Variants in OAS3 observed in about 807,000 individuals in gnomAD.
OAS3 encodes the protein 2'-5'-oligoadenylate synthase 3.
A neutral mutation model predicts 113.0 loss-of-function variants in OAS3; 107 were observed. That is an observed-to-expected ratio of 0.95 (90% confidence interval 0.81 to 1.11). The LOEUF is 1.11. OAS3 is among the 50% of genes most tolerant of loss of function. OAS3 has a pLI of 0.00. For missense variants in OAS3, 1,258 were observed against 1,389.1 expected, an observed-to-expected ratio of 0.91 and a Z score of 1.50; for synonymous variants, 552 against 573.6, an observed-to-expected ratio of 0.96 and a Z score of 0.54.
chr12:112,950,771 G>C lies in OAS3; in HGVS notation c.1453G>C (p.Asp485His), dbSNP rs1565977177. Residue 485 changes from aspartate (D) to histidine (H), a missense_variant, in exon 7 of 16, where the codon GAC becomes CAC. Coordinates refer to ENST00000228928, the MANE Select transcript of OAS3 (RefSeq NM_006187.4). The stretch of plus-strand genomic sequence containing the variant: ...CATCATCTTCCTCAACTGCTTCACG[G>C]ACTACAAGGACCAGGGGCCCCGCCG... The part of the protein sequence containing the change: ...ELIIFLNCFT[D>H]YKDQGPRRAE... 1 of 1,614,022 alleles carries C rather than the reference G, an allele frequency of 6.2e-7. No homozygotes were observed. The highest frequency in any genetic ancestry group is 8.5e-7 in the Non-Finnish European group (1 of 1,179,894).
chr12:112,949,229 A>AT, intron 6 of OAS3, 24 bp downstream of exon 6: 1 of 1,573,624 alleles, frequency 6.4e-7, no homozygotes, highest in East Asian at 2.2e-5. Flanking sequence ...GTGGAGACAC[A>AT]GGGGGGACCC....
chr12:112,944,530 A>G lies in OAS3; in HGVS notation c.515A>G (p.Asn172Ser). Residue 172 changes from asparagine to serine, a missense_variant, in exon 3 of 16, where the codon AAC becomes AGC. By Grantham distance (46) the Asn-to-Ser change is conservative (BLOSUM62 1). Transcript: ENST00000228928. ...PKPQVYSTLLNSGCQGGEHAA... is the reference protein window; with the variant it reads ...PKPQVYSTLLSSGCQGGEHAA... Reference sequence around the variant, plus strand: ...CCACAAGTCTACTCTACCCTCCTCAACAGTGGCTGCCAAGGGGGCGAGCAT... The same window carrying G: ...CCACAAGTCTACTCTACCCTCCTCAGCAGTGGCTGCCAAGGGGGCGAGCAT... 6.2e-7 allele frequency: 1 copy of G among 1,614,020 alleles called. No homozygotes were observed. Among genetic ancestry groups the G allele is most frequent in the Non-Finnish European group, 8.5e-7 (1 of 1,179,874 alleles).
rs756334772 is a variant in OAS3, at chr12:112,946,726, C to T, written c.637-17C>T. 1.2e-5 allele frequency: 19 copies of T among 1,586,528 alleles called. No homozygotes were observed. The highest frequency in any genetic ancestry group is 1.6e-5 in the Non-Finnish European group (19 of 1,164,104). The stretch of plus-strand genomic sequence containing the variant: ...CCCCTTCTTCCTTCTGAGTCCCCTG[C>T]CGATGCCCTCTCACAGGTGTGCCTA... On this transcript the variant is annotated splice_polypyrimidine_tract_variant and intron_variant, in intron 3 of 15. Coordinates refer to ENST00000228928, the MANE Select transcript of OAS3 (RefSeq NM_006187.4).
chr12:112,968,799 G>A (rs1321875936), intron 14 of OAS3, among the ~76,000 whole-genome samples: 1 of 152,194 alleles, frequency 6.6e-6, no homozygotes, highest in African/African-American at 2.4e-5. Flanking sequence ...ACAGGCATGA[G>A]CCACTGTGCC....
In OAS3 at chr12:112,950,896, G is replaced by A. The variant is rs754995837; in HGVS notation, c.1578G>A (p.Glu526=). The A allele has an allele frequency of 6.2e-7, 1 of 1,614,022 alleles. No individual in the cohort carries two copies. Among genetic ancestry groups the A allele is most frequent in the East Asian group, 2.2e-5 (1 of 44,880 alleles). Residue 526 remains glutamate (E), a synonymous_variant, in exon 7 of 16, where the codon GAG becomes GAA. Transcript: ENST00000228928. ...SLQFPEQNVP[E]ALQFQLVSTA... is the part of the protein sequence containing the mutation. The stretch of plus-strand genomic sequence containing the variant: ...AGTTTCCTGAGCAGAATGTGCCTGA[G>A]GCTCTGCAGTTCCAGCTGGTGTCCA...
rs2043993341 is a variant in OAS3, at chr12:112,972,495, T to C, written c.*2522T>C. ...TCACCCTAAAAACACCCACATATGC[T>C]TTTCGATGGAACCAGGTAAGTTGAC... On this transcript the variant is annotated 3_prime_UTR_variant, in exon 16 of 16. Transcript: ENST00000228928. The C allele has an allele frequency of 6.6e-6, 1 of 152,170 alleles. No individual in the cohort carries two copies. The highest frequency in any genetic ancestry group is 2.1e-4 in the South Asian group (1 of 4,820). 9.4% of individuals were successfully genotyped at this position (152,170 alleles called of 1,614,324 possible).
intron 2 of OAS3, among the ~76,000 whole-genome samples, chr12:112,943,879 A>G (rs972096574): frequency 6.6e-6 from 1 of 151,900 alleles, no homozygotes; most frequent in African/African-American, 2.4e-5. Flanking sequence ...ATGACTGGCT[A>G]ATTTTTGTAT....
Position 112,945,913 on chromosome 12 carries a change from G to A in OAS3, c.637-830G>A, listed in dbSNP as rs143651713. Reference sequence around the variant, plus strand: ...AGGCTGAGGCGTGAAGATCACTTGAGCCCAGGAGTTCAAGGCTGCAGTGAC... The same window carrying A: ...AGGCTGAGGCGTGAAGATCACTTGAACCCAGGAGTTCAAGGCTGCAGTGAC... On this transcript the variant is annotated intron_variant, in intron 3 of 15. Transcript: ENST00000228928. Among the ~76,000 whole-genome samples, 288 of 152,290 alleles carry A rather than the reference G, an allele frequency of 1.9e-3. 1 individual carries two copies. The highest frequency in any genetic ancestry group is 3.1e-3 in the Non-Finnish European group (212 of 68,012).
At position 112,954,629 on chromosome 12, in the gene OAS3, C is replaced by A. The variant is rs1472499767; in HGVS notation, c.1657+3654C>A. 6.6e-6 allele frequency among the ~76,000 whole-genome samples: 1 copy of A among 152,126 alleles called. No individual in the cohort carries two copies. Among genetic ancestry groups the A allele is most frequent in the Non-Finnish European group, 1.5e-5 (1 of 68,020 alleles). ...TGTTTTTGTCAGGTTTGTCAAAGAT[C>A]AGATGGTTGTAGACATGTGGTGTTA... On this transcript the variant is annotated intron_variant, in intron 7 of 15. Transcript: ENST00000228928. This position sits in a 1 kb window ranked among gnomAD's most constrained non-coding sequence, Gnocchi z 4.0.
chr12:112,968,434 G>A (rs923603103), intron 14 of OAS3, among the ~76,000 whole-genome samples: 64 of 152,162 alleles, frequency 4.2e-4, no homozygotes, highest in African/African-American at 1.4e-3. Context: ...AAGTATGCTC[G>A]ATGCCATATT....
chr12:112,944,545 G>C lies in OAS3; in HGVS notation c.530G>C (p.Gly177Ala), dbSNP rs1385633540. ...YSTLLNSGCQ[G>A]GEHAACFTEL... is the part of the protein sequence containing the mutation. ...ACCCTCCTCAACAGTGGCTGCCAAG[G>C]GGGCGAGCATGCGGCCTGCTTCACA... Residue 177 changes from glycine (G) to alanine (A), a missense_variant, in exon 3 of 16, where the codon GGG (glycine) becomes GCG (alanine). By Grantham distance (60) the Gly-to-Ala change is moderately conservative (BLOSUM62 0). Coordinates refer to ENST00000228928, the MANE Select transcript of OAS3 (RefSeq NM_006187.4). The C allele has an allele frequency of 4.3e-6, 7 of 1,613,952 alleles. No homozygotes were observed. The highest frequency in any genetic ancestry group is 2.5e-6 in the Non-Finnish European group (3 of 1,179,920).
In OAS3 at chr12:112,964,416, C is replaced by CT; in HGVS notation, c.2403+9dup. On this transcript the variant is annotated intron_variant, in intron 11 of 15. Transcript: ENST00000228928. ...GTGATCAAGGTGGTCAAGGTGAGTC[C>CT]TCAGAGAGCTGTAGGCAAGCAGTGT... The CT allele has an allele frequency of 6.2e-7, 1 of 1,608,540 alleles. No individual in the cohort carries two copies. Among genetic ancestry groups the CT allele is most frequent in the Non-Finnish European group, 8.5e-7 (1 of 1,177,412 alleles).
At chr12:112,953,252 C>T (rs1336356505) in intron 7 of OAS3, among the ~76,000 whole-genome samples, 3 of 152,088 alleles carry the variant, frequency 2.0e-5, no homozygotes, top group African/African-American at 7.2e-5. Context: ...GTTTTCTGCT[C>T]CTGTGTTCGT....
rs58792765 is a variant in OAS3 at position 112,939,306 on chromosome 12, C to CTTTT, written c.177+627_177+630dup. 8.8e-5 allele frequency among the ~76,000 whole-genome samples: 6 copies of CTTTT among 68,302 alleles called. 1 individual carries two copies. The highest frequency in any genetic ancestry group is 2.1e-4 in the Admixed American group (1 of 4,676). 44.8% of individuals were successfully genotyped at this position (68,302 alleles called of 152,430 possible). A position where few individuals can be genotyped will look rare whatever the true frequency, so the allele number is the denominator to read the frequency against. On this transcript the variant is annotated intron_variant, in intron 1 of 15. Transcript: ENST00000228928. ...GCTAAATTACTACTCTGAGTCACATCTTTTTTTTTTTTTTTTTTTTTTTTT... is the reference window on the plus strand; with the variant it reads ...GCTAAATTACTACTCTGAGTCACATCTTTTTTTTTTTTTTTTTTTTTTTTTTTTT...
At chr12:112,961,883 C>T (rs1414349878) in intron 8 of OAS3, among the ~76,000 whole-genome samples, 2 of 152,088 alleles carry the variant, frequency 1.3e-5, no homozygotes, top group Admixed American at 6.6e-5. Context: ...GCAGCCTCGA[C>T]CTTCTGGGCT....
rs2043883488 is a variant in OAS3, at chr12:112,961,314, C to G, written c.1833+68C>G. The stretch of plus-strand genomic sequence containing the variant: ...GGCAACCACCCCAGCCAATCAGTTC[C>G]TCCTCTACACCCACATCTCCCCTCC... On this transcript the variant is annotated intron_variant, in intron 8 of 15. Coordinates refer to ENST00000228928, the MANE Select transcript of OAS3 (RefSeq NM_006187.4). 3.6e-6 allele frequency: 5 copies of G among 1,405,556 alleles called. No individual in the cohort carries two copies. The East Asian group carries it at 1.2e-4, about 33-fold the overall frequency. The allele number at this position is 1,405,556 out of a possible 1,614,324, so 87.1% of individuals were successfully genotyped here.
intron 11 of OAS3, 22 bp from the exon 12 acceptor site, chr12:112,965,722 C>T (rs1218588548): frequency 6.3e-7 from 1 of 1,592,298 alleles, no homozygotes; most frequent in East Asian, 2.2e-5. Flanking sequence ...AAGGGTTGAG[C>T]CACCTGCCAT....
At chr12:112,946,159 G>C (rs975398988) in intron 3 of OAS3, among the ~76,000 whole-genome samples, 1 of 152,076 alleles carries the variant, frequency 6.6e-6, no homozygotes, top group Non-Finnish European at 1.5e-5. Context: ...TCTAGCCAGG[G>C]GGGTCACTTT....
chr12:112,967,709 G>A, intron 13 of OAS3, 116 bp downstream of exon 13: 1 of 1,231,870 alleles, frequency 8.1e-7, no homozygotes, highest in Non-Finnish European at 1.1e-6. Context: ...GTGGAGCAGA[G>A]CAGAAAGAGT....
Sources: gnomAD v4.1 joint callset for allele counts (sites outside exome capture counted in the v4.1 genomes callset) on GRCh38, gnomAD v4.1.1 for gene constraint, Gnocchi (gnomAD v3.1) non-coding constraint, MANE v1.5 for transcripts, NCBI Gene and HGNC (gene_info 2026-07-23, HGNC 2026-07-21) for gene names.